The following ZFHX3 variants were observed in gnomAD, a reference collection of about 807,000 sequenced individuals.
ZFHX3 encodes the protein zinc finger homeobox 3, also known as zinc finger homeobox protein 3.
ZFHX3 carries 42 observed loss-of-function variants against 279.1 expected under a neutral mutation model. The ratio of observed to expected loss-of-function variants is 0.15; its 90% CI spans 0.12 to 0.19. The LOEUF is 0.19. ZFHX3 is among the 10% of genes least tolerant of loss of function. ZFHX3 has a pLI of 1.00. For synonymous variants in ZFHX3, 2,293 were observed against 1,957.8 expected (o/e 1.17, Z -4.52); for missense variants, 4,981 against 4,754.0 (o/e 1.05, Z -1.40).
intron 2 of ZFHX3, among the ~76,000 whole-genome samples, chr16:73,489,880 A>G (rs974022110): frequency 3.3e-5 from 5 of 152,234 alleles, no homozygotes; most frequent in Admixed American, 3.3e-4. Flanking sequence ...GAGATTAGTC[A>G]CTGAAATCTT....
intron 1 of ZFHX3, among the ~76,000 whole-genome samples, chr16:73,775,918 T>A (rs1046477176): frequency 6.6e-6 from 1 of 152,164 alleles, no homozygotes; most frequent in African/African-American, 2.4e-5. Context: ...TTCCTTTTTC[T>A]GATCTATCTG....
intron 3 of ZFHX3, among the ~76,000 whole-genome samples, chr16:73,418,302 C>T (rs2017637318): frequency 6.6e-6 from 1 of 152,290 alleles, no homozygotes; most frequent in Non-Finnish European, 1.5e-5. Context: ...GGTACCAGGA[C>T]TTCTGTTGAG....
intron 1 of ZFHX3, among the ~76,000 whole-genome samples, chr16:73,884,181 T>C (rs1843298769): frequency 6.6e-6 from 1 of 152,172 alleles, no homozygotes; most frequent in Non-Finnish European, 1.5e-5. Flanking sequence ...TCTCATTGTG[T>C]ATCAGGCCTG....
intron 5 of ZFHX3, among the ~76,000 whole-genome samples, chr16:73,240,838 A>C (rs1355936594): frequency 6.6e-6 from 1 of 152,222 alleles, no homozygotes; most frequent in African/African-American, 2.4e-5. Context: ...GAAAGAGTAG[A>C]GTTTTGCTTA....
At chr16:73,527,936 G>A (rs1052448248) in intron 2 of ZFHX3, among the ~76,000 whole-genome samples, 11 of 152,120 alleles carry the variant, frequency 7.2e-5, no homozygotes, top group Admixed American at 7.2e-4. Context: ...CCTGACCCAG[G>A]GAAACTGACA....
intron 1 of ZFHX3, among the ~76,000 whole-genome samples, chr16:73,811,740 C>T (rs544181482): frequency 2.6e-4 from 40 of 152,190 alleles, no homozygotes; most frequent in African/African-American, 7.9e-4. Context: ...CCACCGCGCC[C>T]GGGCCCCTTC....
rs36018349 is a variant in ZFHX3 at position 73,148,555 on chromosome 16, C to CTTTTTTTTTTT, written c.-1103-4735_-1103-4725dup. ...GCGCCTTCGTCTGGCAAATGCTGGG[C>CTTTTTTTTTTT]TTTTTTTTTTTTTTTTTTTTTTTTT... On this transcript the variant is annotated intron_variant, in intron 5 of 17. Transcript: ENST00000641206. 7.2e-5 allele frequency among the ~76,000 whole-genome samples: 4 copies of CTTTTTTTTTTT among 55,414 alleles called. 1 individual carries two copies. The highest frequency in any genetic ancestry group is 7.4e-4 in the East Asian group (1 of 1,352). 36.4% of individuals were successfully genotyped at this position (55,414 alleles called of 152,430 possible).
intron 8 of ZFHX3, among the ~76,000 whole-genome samples, chr16:73,067,352 TG>T (rs1348309501): frequency 6.6e-6 from 1 of 152,172 alleles, no homozygotes; most frequent in East Asian, 1.9e-4. Flanking sequence ...TCCTGCCAAC[TG>T]GAACAGTGGT....
intron 2 of ZFHX3, among the ~76,000 whole-genome samples, chr16:73,559,248 A>G (rs1010910776): frequency 6.6e-6 from 1 of 151,904 alleles, no homozygotes. Context: ...GGGCCTCACT[A>G]TGTTTCCCAG....
At position 72,788,652 on chromosome 16, in the gene ZFHX3, C is replaced by T. The variant is rs2143307704; in HGVS notation, c.9624G>A (p.Gln3208=). The change falls in exon 10 of 10, where the codon CAG becomes CAA. Residue 3208 remains glutamine (Q), a synonymous_variant. Transcript: ENST00000268489. ...GGGCTGCTGGCGGCGGGGGAGGCTG[C>T]TGCACCTGTGGTTGCTGCTGCTGCT... ...QQQQQQQPQV[Q]QPPPPPAAQP... 1 of 1,613,374 alleles carries T rather than the reference C, an allele frequency of 6.2e-7. No individual in the cohort carries two copies. The highest frequency in any genetic ancestry group is 1.1e-5 in the South Asian group (1 of 90,954).
In ZFHX3 at chr16:72,958,606, C is replaced by G; in HGVS notation, c.1540G>C (p.Ala514Pro). 6.2e-7 allele frequency: 1 copy of G among 1,614,106 alleles called. No homozygotes were observed. Among genetic ancestry groups the G allele is most frequent in the Non-Finnish European group, 8.5e-7 (1 of 1,180,010 alleles). The change falls in exon 2 of 10, where the codon GCA (alanine) becomes CCA (proline). Residue 514 changes from alanine to proline, a missense_variant. Around this residue, in one of 7 missense-constraint regions of ZFHX3, gnomAD observed 1,068 missense variants for 935.2 expected, o/e 1.14. Transcript: ENST00000268489. The part of the protein sequence containing the change: ...EDRPHEEPGA[A>P]AGSSSKKDLA... The stretch of plus-strand genomic sequence containing the variant: ...TCCTTTTTGCTGCTACTACCTGCTG[C>G]GGCCCCAGGCTCCTCATGGGGCCTG...
intron 7 of ZFHX3, chr16:72,809,702 G>A (rs573293194): frequency 2.9e-4 from 44 of 152,268 alleles, no homozygotes; most frequent in African/African-American, 1.1e-3. Context: ...AAAATGCCTG[G>A]AGGTGATATG....
chr16:73,523,413 C>T (rs540701140), intron 2 of ZFHX3, among the ~76,000 whole-genome samples: 1 of 152,256 alleles, frequency 6.6e-6, no homozygotes, highest in South Asian at 2.1e-4. Context: ...ATGTGCCTGC[C>T]ACCCTAGAGG....
At position 73,465,706 on chromosome 16, in the gene ZFHX3, C is replaced by T. The variant is rs530598867; in HGVS notation, c.-1546-9448G>A. ...CTGGGTCTTTGCTTACGTCTTCCCC[C>T]TACCTGGAATACAACTGCTTCCTTT... On this transcript the variant is annotated intron_variant, in intron 2 of 17. Transcript: ENST00000641206. Among the ~76,000 whole-genome samples the T allele has an allele frequency of 7.2e-5, 11 of 152,296 alleles. No individual in the cohort carries two copies. In the East Asian group the frequency reaches 2.1e-3, roughly 29 times the overall value.
At chr16:73,728,287 C>G (rs1370303802) in intron 1 of ZFHX3, among the ~76,000 whole-genome samples, 1 of 152,090 alleles carries the variant, frequency 6.6e-6, no homozygotes, top group Non-Finnish European at 1.5e-5. Context: ...CAAGGAGAGG[C>G]CTCAGAATCA....
chr16:73,748,267 C>G (rs1282802494), intron 1 of ZFHX3, among the ~76,000 whole-genome samples: 4 of 152,132 alleles, frequency 2.6e-5, no homozygotes, highest in African/African-American at 4.8e-5. Flanking sequence ...AACCCAAAAA[C>G]TAACTACATG....
At position 73,474,067 on chromosome 16, in the gene ZFHX3, A is replaced by G. The variant is rs535236472; in HGVS notation, c.-1546-17809T>C. Among the ~76,000 whole-genome samples, 174 of 152,312 alleles carry G rather than the reference A, an allele frequency of 1.1e-3. 1 individual carries two copies. The highest frequency in any genetic ancestry group is 4.1e-3 in the African/African-American group (171 of 41,574). ...AGGACACTGTCTGAGACCAGACAGG[A>G]ATGAAACAAGAGTTGGAAACCACAC... On this transcript the variant is annotated intron_variant, in intron 2 of 17. Coordinates refer to the ZFHX3 transcript ENST00000641206.
At chr16:73,643,471 T>G (rs1022684241) in intron 2 of ZFHX3, among the ~76,000 whole-genome samples, 1 of 152,236 alleles carries the variant, frequency 6.6e-6, no homozygotes, top group Non-Finnish European at 1.5e-5. Flanking sequence ...TACCTACTGA[T>G]GTGGCTACGA....
chr16:73,599,341 T>C (rs2052086961), intron 2 of ZFHX3, among the ~76,000 whole-genome samples: 1 of 152,224 alleles, frequency 6.6e-6, no homozygotes, highest in Admixed American at 6.5e-5. Flanking sequence ...TATTACAATC[T>C]ATCCAAGAAA....
Sources: gnomAD v4.1 joint callset for allele counts (sites outside exome capture counted in the v4.1 genomes callset) on GRCh38, gnomAD v4.1.1 for gene constraint, gnomAD v4.1.1 regional missense constraint, MANE v1.5 for transcripts, NCBI Gene and HGNC (gene_info 2026-07-23, HGNC 2026-07-21) for gene names.